Variants in PLXNA4 observed in about 807,000 individuals in gnomAD.
PLXNA4 encodes the protein plexin-A4.
Under a neutral mutation model 191.8 loss-of-function variants are expected in PLXNA4, and 44 were observed. The observed-to-expected ratio is 0.23, with a 90% CI of 0.18 to 0.29. The LOEUF is 0.29. Ranked by LOEUF, PLXNA4 falls within the 10% of genes least tolerant of loss-of-function variation. The pLI is 1.00. For missense variants in PLXNA4, 1,800 were observed against 2,488.8 expected, an observed-to-expected ratio of 0.72 and a Z score of 5.89; for synonymous variants, 1,082 against 1,009.5, an observed-to-expected ratio of 1.07 and a Z score of -1.36.
chr7:132,202,937 T>C, intron 11 of PLXNA4, 101 bp from the exon 12 acceptor site: 1 of 1,274,378 alleles, frequency 7.8e-7, no homozygotes, highest in East Asian at 2.6e-5. Flanking sequence ...CCTGGGGTGA[T>C]GGGGCACAAA....
intron 3 of PLXNA4, 150 bp downstream of exon 3, chr7:132,489,142 A>G: frequency 1.3e-6 from 1 of 786,456 alleles, no homozygotes; most frequent in Non-Finnish European, 1.9e-6. Context: ...CAAGATGATC[A>G]TCATGACCTC....
intron 2 of PLXNA4, among the ~76,000 whole-genome samples, chr7:132,499,772 C>T (rs538178585): frequency 3.9e-5 from 6 of 152,118 alleles, no homozygotes; most frequent in Non-Finnish European, 8.8e-5. Flanking sequence ...TCTTGCTCCT[C>T]GGGTCTAGGT....
chr7:132,238,864 T>C (rs1000659764), intron 5 of PLXNA4, among the ~76,000 whole-genome samples: 3 of 152,030 alleles, frequency 2.0e-5, no homozygotes, highest in Admixed American at 6.6e-5. Context: ...CTTGTCAACA[T>C]TCCTGCCCCA....
At chr7:132,253,355 C>G (rs1192859819) in intron 4 of PLXNA4, among the ~76,000 whole-genome samples, 1 of 151,812 alleles carries the variant, frequency 6.6e-6, no homozygotes, top group Non-Finnish European at 1.5e-5. Flanking sequence ...CCCACCTCAG[C>G]CTCCTGAGTA....
At chr7:132,434,680 C>T (rs529869650) in intron 3 of PLXNA4, among the ~76,000 whole-genome samples, 2 of 152,292 alleles carry the variant, frequency 1.3e-5, no homozygotes, top group South Asian at 4.2e-4. Flanking sequence ...ACATGAACCC[C>T]ATCTTGCCTC....
intron 3 of PLXNA4, among the ~76,000 whole-genome samples, chr7:132,344,685 C>T (rs1228574530): frequency 3.3e-5 from 5 of 152,114 alleles, no homozygotes; most frequent in Non-Finnish European, 7.4e-5. Flanking sequence ...TGCAGATTTC[C>T]AATAGCTGTT....
chr7:132,583,170 G>A (rs1222000688), intron 2 of PLXNA4, among the ~76,000 whole-genome samples: 4 of 152,202 alleles, frequency 2.6e-5, no homozygotes, highest in Admixed American at 6.5e-5. Flanking sequence ...TTCACGAGCT[G>A]TCTGGCACCT....
At chr7:132,282,727 G>T (rs1800532463) in intron 4 of PLXNA4, among the ~76,000 whole-genome samples, 1 of 144,706 alleles carries the variant, frequency 6.9e-6, no homozygotes, top group Non-Finnish European at 1.5e-5. Context: ...AGCAGCCCTT[G>T]GCATCAAAAT....
At chr7:132,490,762 C>T (rs138888929) in intron 2 of PLXNA4, among the ~76,000 whole-genome samples, 3 of 152,256 alleles carry the variant, frequency 2.0e-5, no homozygotes, top group East Asian at 1.9e-4. Flanking sequence ...ACTAGTGTTC[C>T]TTAAAGAGAA....
chr7:132,535,618 C>A (rs1292087225), intron 1 of PLXNA4, among the ~76,000 whole-genome samples: 1 of 152,188 alleles, frequency 6.6e-6, no homozygotes, highest in Admixed American at 6.5e-5. Flanking sequence ...CCACACCTCA[C>A]TGTCCCACCA....
At chr7:132,223,242 G>A (rs1194621584) in intron 9 of PLXNA4, among the ~76,000 whole-genome samples, 2 of 152,150 alleles carry the variant, frequency 1.3e-5, no homozygotes, top group Non-Finnish European at 2.9e-5. Context: ...CATCTCTTTG[G>A]AATCTTTCTA....
chr7:132,353,940 G>T (rs1026437242), intron 3 of PLXNA4, among the ~76,000 whole-genome samples: 1 of 152,134 alleles, frequency 6.6e-6, no homozygotes, highest in Non-Finnish European at 1.5e-5. Context: ...TTCTTTTCAA[G>T]TCAGATCTGT....
chr7:132,555,025 C>T (rs952487283), intron 1 of PLXNA4, among the ~76,000 whole-genome samples: 7 of 102,636 alleles, frequency 6.8e-5, no homozygotes, highest in African/African-American at 2.7e-4. Flanking sequence ...AATTCAGAGT[C>T]TTGGGTGGTA....
chr7:132,345,878 C>T (rs1456775480), intron 3 of PLXNA4, among the ~76,000 whole-genome samples: 3 of 152,200 alleles, frequency 2.0e-5, no homozygotes, highest in South Asian at 2.1e-4. Context: ...CCAGCACAGC[C>T]GTTCACATGA....
At chr7:132,532,679 T>TC (rs1485983625) in intron 1 of PLXNA4, among the ~76,000 whole-genome samples, 2 of 152,202 alleles carry the variant, frequency 1.3e-5, no homozygotes, top group Non-Finnish European at 2.9e-5. Context: ...CTTCGATGGC[T>TC]CCCTATTGCC....
At chr7:132,544,269 AGAG>A (rs1439948138) in intron 1 of PLXNA4, among the ~76,000 whole-genome samples, 1 of 152,238 alleles carries the variant, frequency 6.6e-6, no homozygotes, top group African/African-American at 2.4e-5. Flanking sequence ...AAACCCTCCC[AGAG>A]GAGAGATGAT....
chr7:132,543,538 G>A (rs577220811), intron 1 of PLXNA4, among the ~76,000 whole-genome samples: 1 of 152,272 alleles, frequency 6.6e-6, no homozygotes, highest in South Asian at 2.1e-4. Flanking sequence ...TTTATCAGTA[G>A]GAAGGTCAGT....
chr7:132,583,942 G>A (rs1042750193), intron 2 of PLXNA4, among the ~76,000 whole-genome samples: 2 of 152,190 alleles, frequency 1.3e-5, no homozygotes, highest in Non-Finnish European at 2.9e-5. Context: ...TGCAACCAGC[G>A]ATGCCAGGCC....
chr7:132,592,846 T>A (rs1802625534), intron 2 of PLXNA4, among the ~76,000 whole-genome samples: 1 of 151,650 alleles, frequency 6.6e-6, no homozygotes, highest in Admixed American at 6.6e-5. Flanking sequence ...GTGCCTTTTT[T>A]TTTCCAGAAG....
Sources: gnomAD v4.1 joint callset for allele counts (sites outside exome capture counted in the v4.1 genomes callset) on GRCh38, gnomAD v4.1.1 for gene constraint, MANE v1.5 for transcripts, NCBI Gene and HGNC (gene_info 2026-07-23, HGNC 2026-07-21) for gene names.